The following PEX5L variants were observed in gnomAD, a reference collection of about 807,000 sequenced individuals.
PEX5L encodes the protein peroxisomal biogenesis factor 5 like.
A neutral mutation model predicts 84.0 loss-of-function variants in PEX5L; 30 were observed. The ratio of observed to expected loss-of-function variants is 0.36; its 90% CI spans 0.27 to 0.48. The LOEUF (loss-of-function observed/expected upper bound fraction) is 0.48. Ranked by LOEUF, PEX5L falls within the 20% of genes least tolerant of loss-of-function variation. The pLI is 0.99. For missense variants in PEX5L, 533 were observed against 754.6 expected, an observed-to-expected ratio of 0.71 and a Z score of 3.44; for synonymous variants, 270 against 283.1, an observed-to-expected ratio of 0.95 and a Z score of 0.46.
intron 2 of PEX5L, among the ~76,000 whole-genome samples, chr3:179,960,131 CTTTG>C (rs1199848433): frequency 1.3e-5 from 2 of 152,266 alleles, no homozygotes. Context: ...CTCTTTCCCT[CTTTG>C]TTCTCTTACC....
intron 5 of PEX5L, among the ~76,000 whole-genome samples, 158 bp downstream of exon 5, chr3:179,879,771 G>A (rs1231066644): frequency 6.6e-6 from 1 of 152,244 alleles, no homozygotes; most frequent in Non-Finnish European, 1.5e-5. Flanking sequence ...TTGCTGTACA[G>A]TTCAAGCTCA....
At chr3:179,971,192 T>TC (rs3030810) in intron 2 of PEX5L, among the ~76,000 whole-genome samples, 37,661 of 151,692 alleles carry the variant, frequency 0.25, 5,026 homozygotes, top group East Asian at 0.51. Flanking sequence ...GTTTTCTCTC[T>TC]TTCTCTCTCT....
intron 1 of PEX5L, among the ~76,000 whole-genome samples, chr3:180,033,773 G>A (rs1341432349): frequency 2.0e-5 from 3 of 152,158 alleles, no homozygotes; most frequent in African/African-American, 7.2e-5. Context: ...ATTTACTGGG[G>A]TGACTAACTC....
At position 179,879,986 on chromosome 3, in the gene PEX5L, C is replaced by G. The variant is rs533645184; in HGVS notation, c.448G>C (p.Asp150His). The change falls in exon 5 of 15, where the codon GAT becomes CAT. Residue 150 changes from aspartate to histidine, a missense_variant. Transcript: ENST00000467460. ...KADGSDLIST[D>H]AEQRGQPLRV... ...AGAGGCTGGCCTCTCTGCTCAGCATCCGTGCTGATGAGGTCAGATCCATCG... is the reference window on the plus strand; with the variant it reads ...AGAGGCTGGCCTCTCTGCTCAGCATGCGTGCTGATGAGGTCAGATCCATCG... 1.2e-6 allele frequency: 2 copies of G among 1,612,870 alleles called. No homozygotes were observed. Among genetic ancestry groups the G allele is most frequent in the Admixed American group, 3.3e-5 (2 of 59,760 alleles).
At chr3:179,922,692 G>C (rs1316988946) in intron 2 of PEX5L, among the ~76,000 whole-genome samples, 1 of 151,656 alleles carries the variant, frequency 6.6e-6, no homozygotes. Flanking sequence ...GGTCTCAAGT[G>C]ATCTGCCCAC....
In PEX5L at chr3:180,030,068, G is replaced by C. The variant is rs73883473; in HGVS notation, c.21+6511C>G. On this transcript the variant is annotated intron_variant, in intron 1 of 14. Transcript: ENST00000467460. ...TCACTTTTCATGACAGTACTGGCAGGGCTCTGTCAGAGGCTCACCCAAATA... is the reference window on the plus strand; with the variant it reads ...TCACTTTTCATGACAGTACTGGCAGCGCTCTGTCAGAGGCTCACCCAAATA... Among the ~76,000 whole-genome samples, 918 of 152,108 alleles carry C rather than the reference G, an allele frequency of 6.0e-3. 9 individuals are homozygous for C. The highest frequency in any genetic ancestry group is 0.021 in the African/African-American group (879 of 41,454).
chr3:179,848,042 A>G (rs1740297594), intron 8 of PEX5L, among the ~76,000 whole-genome samples: 1 of 151,960 alleles, frequency 6.6e-6, no homozygotes, highest in Non-Finnish European at 1.5e-5. Context: ...GACCAAAACT[A>G]TTCTAACCCC....
chr3:179,972,777 C>T (rs67667466), intron 1 of PEX5L, among the ~76,000 whole-genome samples: 1 of 151,400 alleles, frequency 6.6e-6, no homozygotes, highest in African/African-American at 2.4e-5. Flanking sequence ...CAGATTTACA[C>T]ATTTTTTTCC....
intron 8 of PEX5L, among the ~76,000 whole-genome samples, chr3:179,852,933 G>A (rs1054584734): frequency 6.6e-6 from 1 of 152,148 alleles, no homozygotes; most frequent in Admixed American, 6.6e-5. Flanking sequence ...GCACTCACTA[G>A]TGAAGAGATG....
intron 1 of PEX5L, among the ~76,000 whole-genome samples, chr3:180,033,402 T>TA (rs11388187): frequency 0.38 from 57,733 of 151,964 alleles, 13,748 homozygotes; most frequent in African/African-American, 0.69. Flanking sequence ...TTTCTTTTAT[T>TA]AAAAAACCCA....
chr3:180,004,383 T>C (rs1788685883), intron 1 of PEX5L, among the ~76,000 whole-genome samples: 1 of 152,114 alleles, frequency 6.6e-6, no homozygotes, highest in Non-Finnish European at 1.5e-5. Context: ...AGTTTGGAAA[T>C]AAGATGGAAA....
At chr3:179,807,985 C>T (rs1337395132) in intron 13 of PEX5L, among the ~76,000 whole-genome samples, 154 bp from the exon 14 acceptor site, 1 of 152,210 alleles carries the variant, frequency 6.6e-6, no homozygotes, top group African/African-American at 2.4e-5. Context: ...AAAATCTTCA[C>T]GGACAGTTTT....
At chr3:179,999,763 G>A (rs531078349) in intron 1 of PEX5L, among the ~76,000 whole-genome samples, 79 of 152,266 alleles carry the variant, frequency 5.2e-4, no homozygotes, top group African/African-American at 1.8e-3. Context: ...CAAGTCACTC[G>A]CTTTATGGCT....
intron 7 of PEX5L, among the ~76,000 whole-genome samples, chr3:179,872,624 C>G (rs1043515561): frequency 1.3e-5 from 2 of 152,144 alleles, no homozygotes; most frequent in Non-Finnish European, 2.9e-5. Flanking sequence ...GAGTTGCAGT[C>G]ACTGGAATAA....
At chr3:180,005,041 A>G (rs1013814854) in intron 1 of PEX5L, among the ~76,000 whole-genome samples, 1 of 152,142 alleles carries the variant, frequency 6.6e-6, no homozygotes, top group African/African-American at 2.4e-5. Flanking sequence ...GCTCGTGAAC[A>G]CTTTCTATTA....
chr3:179,964,730 A>C (rs905518360), intron 2 of PEX5L, among the ~76,000 whole-genome samples: 1 of 152,244 alleles, frequency 6.6e-6, no homozygotes, highest in Non-Finnish European at 1.5e-5. Context: ...AGAGAAATGC[A>C]TACCCAAACC....
At chr3:179,994,487 A>AC (rs1787673517) in intron 1 of PEX5L, among the ~76,000 whole-genome samples, 1 of 151,988 alleles carries the variant, frequency 6.6e-6, no homozygotes, top group Admixed American at 6.6e-5. Flanking sequence ...TTGTCCCTCA[A>AC]CCCCTCAGAC....
chr3:179,819,364 TTACC>T (rs1727564845), intron 9 of PEX5L, among the ~76,000 whole-genome samples: 1 of 152,150 alleles, frequency 6.6e-6, no homozygotes, highest in Non-Finnish European at 1.5e-5. Flanking sequence ...TCTTGGGACT[TTACC>T]TGGTTGTGTG....
At chr3:179,937,405 C>T (rs1011276822) in intron 2 of PEX5L, among the ~76,000 whole-genome samples, 2 of 151,978 alleles carry the variant, frequency 1.3e-5, no homozygotes, top group African/African-American at 4.8e-5. Context: ...AAATCTAAAA[C>T]TACTCCAAAA....
Sources: gnomAD v4.1 joint callset for allele counts (sites outside exome capture counted in the v4.1 genomes callset) on GRCh38, gnomAD v4.1.1 for gene constraint, MANE v1.5 for transcripts, NCBI Gene and HGNC (gene_info 2026-07-23, HGNC 2026-07-21) for gene names.